Variants in MARCHF1 observed in about 807,000 individuals in gnomAD.
MARCHF1 encodes membrane associated ring-CH-type finger 1.
A neutral mutation model predicts 54.2 loss-of-function variants in MARCHF1; 40 were observed. That is an observed-to-expected ratio of 0.74 (90% confidence interval 0.57 to 0.96). The LOEUF is 0.96. MARCHF1 is among the 40% of genes least tolerant of loss of function. The pLI is 0.00. For synonymous variants in MARCHF1, 236 were observed against 236.3 expected (o/e 1.00, Z 0.01); for missense variants, 586 against 656.5 (o/e 0.89, Z 1.17).
chr4:164,044,802 A>G (rs1754206837), intron 2 of MARCHF1, among the ~76,000 whole-genome samples: 1 of 149,862 alleles, frequency 6.7e-6, no homozygotes, highest in African/African-American at 2.5e-5. Flanking sequence ...TAAGGACACT[A>G]TATATGGACA....
chr4:163,990,440 T>C (rs148979750), intron 2 of MARCHF1, among the ~76,000 whole-genome samples: 7 of 152,240 alleles, frequency 4.6e-5, no homozygotes, highest in African/African-American at 1.4e-4. Flanking sequence ...CTCAGCACAA[T>C]AAGCTCATTA....
intron 3 of MARCHF1, among the ~76,000 whole-genome samples, chr4:163,885,455 T>C (rs1254117601): frequency 6.6e-6 from 1 of 152,108 alleles, no homozygotes; most frequent in African/African-American, 2.4e-5. Flanking sequence ...AACAAGATCT[T>C]TATTAGGAAC....
At chr4:163,909,992 A>G (rs1751155609) in intron 3 of MARCHF1, among the ~76,000 whole-genome samples, 1 of 152,194 alleles carries the variant, frequency 6.6e-6, no homozygotes, top group Non-Finnish European at 1.5e-5. Flanking sequence ...TTCTCATTAG[A>G]GTACACTGGA....
intron 4 of MARCHF1, among the ~76,000 whole-genome samples, chr4:163,850,874 T>C (rs936377419): frequency 5.9e-5 from 9 of 152,140 alleles, no homozygotes; most frequent in Non-Finnish European, 1.2e-4. Context: ...TGAAGGCAGA[T>C]ACGTAGAGAA....
intron 3 of MARCHF1, among the ~76,000 whole-genome samples, chr4:163,952,407 T>C (rs938920500): frequency 6.6e-6 from 1 of 152,156 alleles, no homozygotes; most frequent in Non-Finnish European, 1.5e-5. Flanking sequence ...TCCTACTCCA[T>C]CTCTCTGGGC....
intron 8 of MARCHF1, among the ~76,000 whole-genome samples, chr4:163,558,398 T>C (rs1013163046): frequency 5.9e-5 from 9 of 152,128 alleles, no homozygotes; most frequent in African/African-American, 1.4e-4. Flanking sequence ...AGTTTTTCTG[T>C]TGTTCTGAGG....
intron 5 of MARCHF1, among the ~76,000 whole-genome samples, chr4:163,680,371 A>G (rs151026893): frequency 4.6e-5 from 7 of 152,364 alleles, no homozygotes; most frequent in South Asian, 2.1e-4. Flanking sequence ...TTGTGACACT[A>G]TAATATCTTC....
intron 4 of MARCHF1, among the ~76,000 whole-genome samples, chr4:163,817,300 TAC>T (rs1560769397): frequency 2.0e-5 from 3 of 147,518 alleles, no homozygotes; most frequent in African/African-American, 8.0e-5. Flanking sequence ...TACATATACA[TAC>T]ATACATATAT....
chr4:163,924,769 C>T (rs1174907007), intron 3 of MARCHF1, among the ~76,000 whole-genome samples: 1 of 151,788 alleles, frequency 6.6e-6, no homozygotes, highest in Non-Finnish European at 1.5e-5. Flanking sequence ...AAGGTTTAAT[C>T]CAAAGTCCAA....
At chr4:164,216,893 TTAAC>T (rs1268039181) in intron 1 of MARCHF1, among the ~76,000 whole-genome samples, 1 of 152,166 alleles carries the variant, frequency 6.6e-6, no homozygotes, top group African/African-American at 2.4e-5. Context: ...CAAGAATACT[TTAAC>T]TATTAAATTT....
At chr4:164,009,544 AC>A (rs1468804222) in intron 2 of MARCHF1, among the ~76,000 whole-genome samples, 2 of 152,224 alleles carry the variant, frequency 1.3e-5, no homozygotes, top group Non-Finnish European at 2.9e-5. Flanking sequence ...AAAGTTCTCA[AC>A]AAAATACTAC....
intron 3 of MARCHF1, among the ~76,000 whole-genome samples, chr4:163,981,114 G>A (rs1156481607): frequency 9.9e-5 from 15 of 150,876 alleles, no homozygotes; most frequent in Admixed American, 7.3e-4. Context: ...TTCCTGCAGC[G>A]TTGTGCATCC....
At chr4:163,901,740 T>C (rs1029316295) in intron 3 of MARCHF1, among the ~76,000 whole-genome samples, 2 of 152,042 alleles carry the variant, frequency 1.3e-5, no homozygotes, top group African/African-American at 4.8e-5. Context: ...ATATTCAGAG[T>C]TTTTGCAAAA....
intron 4 of MARCHF1, among the ~76,000 whole-genome samples, chr4:163,786,891 A>G (rs145289896): frequency 1.1e-4 from 17 of 152,150 alleles, no homozygotes; most frequent in East Asian, 9.7e-4. Flanking sequence ...ATGCAGATAT[A>G]TAGACCACTG....
intron 1 of MARCHF1, among the ~76,000 whole-genome samples, chr4:164,227,686 C>T (rs1369818586): frequency 1.3e-5 from 2 of 151,942 alleles, no homozygotes; most frequent in Non-Finnish European, 2.9e-5. Flanking sequence ...ATATTTCGCG[C>T]CATGTGCTTC....
At chr4:164,027,337 T>G (rs751253576) in intron 2 of MARCHF1, among the ~76,000 whole-genome samples, 3 of 90,850 alleles carry the variant, frequency 3.3e-5, no homozygotes, top group Non-Finnish European at 6.4e-5. Context: ...TTTAAGCCTA[T>G]AGTACCAAAA....
At chr4:164,189,152 A>C (rs1731057053) in intron 1 of MARCHF1, 1 of 598,108 alleles carries the variant, frequency 1.7e-6, no homozygotes, top group Non-Finnish European at 3.1e-6. Context: ...GAAGACTATG[A>C]CTAGCGTGTC....
intron 7 of MARCHF1, among the ~76,000 whole-genome samples, chr4:163,610,210 C>G (rs931205952): frequency 6.6e-6 from 1 of 151,772 alleles, no homozygotes; most frequent in African/African-American, 2.4e-5. Context: ...TGCTTTTTTT[C>G]GAGTATGTGT....
chr4:164,256,221 C>T (rs1184772580), intron 1 of MARCHF1, among the ~76,000 whole-genome samples: 1 of 151,412 alleles, frequency 6.6e-6, no homozygotes, highest in African/African-American at 2.4e-5. Context: ...AACAACAAGT[C>T]AAAAATCTAA....
Sources: allele counts gnomAD v4.1 joint callset (sites outside exome capture counted in the v4.1 genomes callset), GRCh38; gene constraint gnomAD v4.1.1; transcripts MANE v1.5; gene names NCBI Gene and HGNC (gene_info 2026-07-23, HGNC 2026-07-21).